Variants in ZDHHC13 observed in about 807,000 individuals in gnomAD.
ZDHHC13 encodes the protein palmitoyltransferase ZDHHC13.
ZDHHC13 carries 85 observed loss-of-function variants against 86.0 expected under a neutral mutation model. That is an observed-to-expected ratio of 0.99 (90% CI 0.83 to 1.18). The LOEUF (loss-of-function observed/expected upper bound fraction) is 1.18. Among genes scored for constraint, ZDHHC13 ranks in the 50% most tolerant of loss-of-function variants. The pLI, the probability that ZDHHC13 is intolerant of heterozygous loss-of-function variation, is 0.00. For missense variants in ZDHHC13, 711 were observed against 730.2 expected (o/e 0.97, Z 0.30); for synonymous variants, 263 against 246.4 (o/e 1.07, Z -0.63).
At chr11:19,136,526 C>G (rs891790954) in intron 1 of ZDHHC13, among the ~76,000 whole-genome samples, 2 of 152,138 alleles carry the variant, frequency 1.3e-5, no homozygotes, top group Non-Finnish European at 2.9e-5. Flanking sequence ...AGAACTTCCC[C>G]AATGTAGCAA....
chr11:19,142,732 CT>C (rs560998532), intron 1 of ZDHHC13, among the ~76,000 whole-genome samples: 8 of 150,762 alleles, frequency 5.3e-5, no homozygotes, highest in Non-Finnish European at 1.2e-4. Context: ...TTAGGATACA[CT>C]TTTTTTTTCT....
intron 1 of ZDHHC13, among the ~76,000 whole-genome samples, chr11:19,141,052 ACT>A (rs1849305309): frequency 6.6e-6 from 1 of 151,878 alleles, no homozygotes; most frequent in Non-Finnish European, 1.5e-5. Flanking sequence ...GTACCCTAAA[ACT>A]TTAAAGTAGT....
chr11:19,169,543 A>G (rs949593622), intron 14 of ZDHHC13: 16 of 985,366 alleles, frequency 1.6e-5, no homozygotes, highest in East Asian at 1.1e-4. Context: ...CTGTTTATCA[A>G]ATTGTCAGAG....
At chr11:19,119,364 C>T (rs1424967180) in intron 1 of ZDHHC13, among the ~76,000 whole-genome samples, 1 of 152,200 alleles carries the variant, frequency 6.6e-6, no homozygotes, top group Non-Finnish European at 1.5e-5. Context: ...CTCGGCCTCC[C>T]AAAATGCTGG....
chr11:19,130,849 T>G (rs1848982307), intron 1 of ZDHHC13, among the ~76,000 whole-genome samples: 2 of 151,612 alleles, frequency 1.3e-5, no homozygotes, highest in South Asian at 4.1e-4. Flanking sequence ...TGGTTTTTTT[T>G]GTTTTTTTTT....
chr11:19,166,615 C>T (rs1850077577), intron 14 of ZDHHC13: 1 of 327,560 alleles, frequency 3.1e-6, no homozygotes, highest in African/African-American at 2.2e-5. Flanking sequence ...GAAAAGTAGT[C>T]AAAAATAGAA....
At chr11:19,131,264 C>A (rs961319302) in intron 1 of ZDHHC13, among the ~76,000 whole-genome samples, 1 of 152,112 alleles carries the variant, frequency 6.6e-6, no homozygotes, top group Non-Finnish European at 1.5e-5. Flanking sequence ...GTGAACTGCC[C>A]GCCTTGGCCT....
chr11:19,139,500 T>G (rs1465869933), intron 1 of ZDHHC13, among the ~76,000 whole-genome samples: 1 of 117,898 alleles, frequency 8.5e-6, no homozygotes, highest in African/African-American at 2.8e-5. Flanking sequence ...CAAGGTAATT[T>G]ACAGATTCAA....
chr11:19,147,782 C>CT, intron 4 of ZDHHC13, 109 bp downstream of exon 4: 2 of 728,726 alleles, frequency 2.7e-6, no homozygotes, highest in Non-Finnish European at 4.0e-6. Flanking sequence ...TCCCCCCCCC[C>CT]CTTTATTTAA....
At chr11:19,126,584 A>C (rs904019243) in intron 1 of ZDHHC13, among the ~76,000 whole-genome samples, 4 of 146,792 alleles carry the variant, frequency 2.7e-5, no homozygotes, top group African/African-American at 5.1e-5. Flanking sequence ...TCCTTACCTC[A>C]AGTGATGCAC....
intron 13 of ZDHHC13, 139 bp from the exon 14 acceptor site, chr11:19,166,163 G>T (rs1850059483): frequency 3.1e-6 from 2 of 655,574 alleles, no homozygotes; most frequent in Non-Finnish European, 5.2e-6. Flanking sequence ...TGATTTAATG[G>T]TACTTAAAAG....
intron 15 of ZDHHC13, among the ~76,000 whole-genome samples, chr11:19,172,261 C>T (rs569535433): frequency 1.8e-4 from 27 of 152,074 alleles, no homozygotes; most frequent in Non-Finnish European, 3.2e-4. Context: ...TTAGTGGAGA[C>T]GGGGTTTCAC....
In ZDHHC13 at chr11:19,175,816, T is replaced by G. The variant is rs765457854; in HGVS notation, c.1731-6T>G. 11 of 1,606,050 alleles carry G rather than the reference T, an allele frequency of 6.8e-6. No homozygotes were observed. The South Asian group carries it at 1.2e-4, about 18-fold the overall frequency. On this transcript the variant is annotated splice_region_variant and splice_polypyrimidine_tract_variant and intron_variant, in intron 16 of 16. Coordinates refer to ENST00000446113, the MANE Select transcript of ZDHHC13 (RefSeq NM_019028.3). ...AGACATGTTCTCTTTTTTTTTTTCT[T>G]GGCAGTCTTGGATTCATGCAGAACC...
chr11:19,170,321 T>C (rs1350590107), intron 14 of ZDHHC13, 90 bp from the exon 15 acceptor site: 16 of 1,467,292 alleles, frequency 1.1e-5, no homozygotes, highest in Non-Finnish European at 1.4e-5. Flanking sequence ...CTCTTCTCCC[T>C]ATATAGAACT....
At chr11:19,168,962 G>A (rs766610596) in intron 14 of ZDHHC13, 4 of 985,198 alleles carry the variant, frequency 4.1e-6, no homozygotes, top group Non-Finnish European at 4.8e-6. Flanking sequence ...GTTTGACCTG[G>A]AATGATGTGA....
At chr11:19,147,517 A>C in intron 3 of ZDHHC13, 79 bp from the exon 4 acceptor site, 1 of 1,232,628 alleles carries the variant, frequency 8.1e-7, no homozygotes, top group Admixed American at 2.1e-5. Context: ...ATTTATTACT[A>C]TGAAAAAATT....
At chr11:19,157,091 C>G (rs1287135804) in intron 9 of ZDHHC13, among the ~76,000 whole-genome samples, 1 of 152,210 alleles carries the variant, frequency 6.6e-6, no homozygotes, top group Non-Finnish European at 1.5e-5. Context: ...GACACCTTAT[C>G]TTTTCATAGT....
intron 2 of ZDHHC13, among the ~76,000 whole-genome samples, chr11:19,145,660 A>G (rs770511094): frequency 1.3e-5 from 2 of 152,214 alleles, no homozygotes; most frequent in African/African-American, 4.8e-5. Flanking sequence ...CCTCTGCCTG[A>G]AATGCCTTTT....
At chr11:19,138,463 C>T (rs1849211939) in intron 1 of ZDHHC13, among the ~76,000 whole-genome samples, 1 of 150,928 alleles carries the variant, frequency 6.6e-6, no homozygotes, top group South Asian at 2.1e-4. Flanking sequence ...GATGGATTCA[C>T]AGCCGAATTC....
Sources: gnomAD v4.1 joint callset for allele counts (sites outside exome capture counted in the v4.1 genomes callset) on GRCh38, gnomAD v4.1.1 for gene constraint, MANE v1.5 for transcripts, NCBI Gene and HGNC (gene_info 2026-07-23, HGNC 2026-07-21) for gene names.